DDX59: variants seen among roughly 807,000 people sequenced by gnomAD.
DDX59 encodes the protein DEAD-box helicase 59.
A neutral mutation model predicts 51.9 loss-of-function variants in DDX59; 30 were observed. That is an observed-to-expected ratio of 0.58 (90% CI 0.43 to 0.78). DDX59 has a LOEUF of 0.78. Among genes scored for constraint, DDX59 ranks in the 30% least tolerant of loss-of-function variants. The pLI, the probability that DDX59 is intolerant of heterozygous loss-of-function variation, is 0.00. For missense variants in DDX59, 672 were observed against 730.8 expected (o/e 0.92, Z 0.93); for synonymous variants, 255 against 253.3 (o/e 1.01, Z -0.06).
intron 4 of DDX59, among the ~76,000 whole-genome samples, chr1:200,652,558 G>A (rs1661733925): frequency 6.6e-6 from 1 of 151,882 alleles, no homozygotes; most frequent in African/African-American, 2.4e-5. Context: ...TAGTAGAGAT[G>A]GGGTTTTGCT....
At chr1:200,656,605 C>G (rs1337188015) in intron 4 of DDX59, among the ~76,000 whole-genome samples, 2 of 152,160 alleles carry the variant, frequency 1.3e-5, no homozygotes, top group African/African-American at 4.8e-5. Flanking sequence ...AACCATATTC[C>G]TTAAATGCCA....
At chr1:200,652,477 C>T (rs1472017231) in intron 4 of DDX59, among the ~76,000 whole-genome samples, 2 of 152,082 alleles carry the variant, frequency 1.3e-5, no homozygotes, top group African/African-American at 4.8e-5. Context: ...TCAAGCCAAC[C>T]TCCCACCTCA....
chr1:200,649,781 G>A (rs2102854193), intron 5 of DDX59, among the ~76,000 whole-genome samples: 1 of 151,804 alleles, frequency 6.6e-6, no homozygotes, highest in East Asian at 1.9e-4. Context: ...AACATTTTAA[G>A]TGCGATTAAT....
chr1:200,648,701 T>G, intron 6 of DDX59, 134 bp from the exon 7 acceptor site: 1 of 1,035,430 alleles, frequency 9.7e-7, no homozygotes. Context: ...GTAAAGGTCA[T>G]AGTATACCTG....
chr1:200,659,536 AC>A (rs1662246853), intron 3 of DDX59, among the ~76,000 whole-genome samples: 1 of 152,192 alleles, frequency 6.6e-6, no homozygotes, highest in Non-Finnish European at 1.5e-5. Context: ...ACCAGGAAGG[AC>A]CTTGTAGGCA....
chr1:200,661,881 G>A (rs1662396648), intron 3 of DDX59, among the ~76,000 whole-genome samples: 1 of 152,168 alleles, frequency 6.6e-6, no homozygotes, highest in African/African-American at 2.4e-5. Context: ...CTGGAGGGAG[G>A]TGATTGGATC....
chr1:200,663,734 T>C lies in DDX59; in HGVS notation c.972+185A>G, dbSNP rs1662522442. On this transcript the variant is annotated intron_variant, in intron 3 of 7. Transcript: ENST00000331314. ...TGGCATATAATGGGCACTCAATAAA[T>C]TGTGCTTCTTTCCCTTCCTATATAA... Among the ~76,000 whole-genome samples, 6 of 151,318 alleles carry C rather than the reference T, an allele frequency of 4.0e-5. No individual in the cohort carries two copies. In the Admixed American group the frequency reaches 4.0e-4, roughly 10 times the overall value.
chr1:200,651,331 C>G (rs1035077932), intron 4 of DDX59, among the ~76,000 whole-genome samples: 1 of 151,978 alleles, frequency 6.6e-6, no homozygotes, highest in Non-Finnish European at 1.5e-5. Flanking sequence ...GAAATCTAAC[C>G]CACAATGTAC....
chr1:200,648,408 C>A (rs1661432781), intron 7 of DDX59, 31 bp downstream of exon 7: 7 of 1,608,112 alleles, frequency 4.4e-6, no homozygotes, highest in African/African-American at 4.0e-5. Context: ...AACTCGTGAA[C>A]AAAATAGTGG....
In DDX59 at chr1:200,649,118, T is replaced by C. The variant is rs79204709; in HGVS notation, c.1423A>G (p.Ile475Val). The C allele has an allele frequency of 9.1e-4, 1,443 of 1,583,544 alleles. 4 individuals carry two copies. The African/African-American group carries it at 0.014, about 15-fold the overall frequency. Residue 475 changes from isoleucine to valine, a missense_variant, in exon 6 of 8, where the codon ATA (isoleucine) becomes GTA (valine). Ile to Val is a conservative substitution (Grantham distance 29). Coordinates refer to ENST00000331314, the MANE Select transcript of DDX59 (RefSeq NM_001031725.6). Reference protein sequence around the residue: ...QKITGLKSISIHSEKSQIERK... With the variant: ...QKITGLKSISVHSEKSQIERK... Reference sequence around the variant, plus strand: ...TCTATTTGCGACTTCTCTGAATGTATAGATATGCTTTTCAGCCCTGTGATT... The same window carrying C: ...TCTATTTGCGACTTCTCTGAATGTACAGATATGCTTTTCAGCCCTGTGATT...
intron 4 of DDX59, among the ~76,000 whole-genome samples, chr1:200,653,823 A>T: frequency 6.6e-6 from 1 of 152,162 alleles, no homozygotes; most frequent in East Asian, 1.9e-4. Context: ...CTTCTCATTC[A>T]TATCTTAGCA....
Position 200,664,004 on chromosome 1 carries a change from C to T in DDX59, c.887G>A (p.Ser296Asn), listed in dbSNP as rs1662549818. 1 of 1,614,104 alleles carries T rather than the reference C, an allele frequency of 6.2e-7. No individual in the cohort carries two copies. Among genetic ancestry groups the T allele is most frequent in the Non-Finnish European group, 8.5e-7 (1 of 1,180,044 alleles). Reference protein sequence around the residue: ...QIERQAKELMSGLPRMKTVLL... With the variant: ...QIERQAKELMNGLPRMKTVLL... The stretch of plus-strand genomic sequence containing the variant: ...CACAGTTTTCATGCGTGGCAGGCCA[C>T]TCATCAATTCTTTAGCTTGTCTCTC... The change falls in exon 3 of 8, where the codon AGT becomes AAT. Residue 296 changes from serine (S) to asparagine (N), a missense_variant. Coordinates refer to ENST00000331314, the MANE Select transcript of DDX59 (RefSeq NM_001031725.6).
chr1:200,652,986 TCTC>T (rs1339236679), intron 4 of DDX59, among the ~76,000 whole-genome samples: 1 of 152,068 alleles, frequency 6.6e-6, no homozygotes, highest in African/African-American at 2.4e-5. Flanking sequence ...CACCCAGACA[TCTC>T]CTCTCCTGAT....
At position 200,663,954 on chromosome 1, in the gene DDX59, G is replaced by A. The variant is rs755435026; in HGVS notation, c.937C>T (p.Pro313Ser). 3.3e-5 allele frequency: 54 copies of A among 1,613,652 alleles called. No homozygotes were observed. The highest frequency in any genetic ancestry group is 4.0e-5 in the Non-Finnish European group (47 of 1,179,894). ...TGTTGCAGACGATAAAGCTGTGGGGGTAAGGGTAAGCCCCCTACAAGAAGC... is the reference window on the plus strand; with the variant it reads ...TGTTGCAGACGATAAAGCTGTGGGGATAAGGGTAAGCCCCCTACAAGAAGC... The part of the protein sequence containing the change: ...TVLLVGGLPL[P>S]PQLYRLQQHV... The change falls in exon 3 of 8, where the codon CCC becomes TCC. Residue 313 changes from proline to serine, a missense_variant. Transcript: ENST00000331314.
intron 1 of DDX59, among the ~76,000 whole-genome samples, chr1:200,669,274 C>T (rs1662991529): frequency 1.3e-5 from 2 of 150,978 alleles, no homozygotes. Context: ...TGCCAGATTC[C>T]AACTTCCAGA....
rs1308249133 is a variant in DDX59, at chr1:200,666,595, G to C, written c.146C>G (p.Ala49Gly). The C allele has an allele frequency of 1.6e-5, 26 of 1,614,198 alleles. No homozygotes were observed. Among genetic ancestry groups the C allele is most frequent in the Non-Finnish European group, 2.2e-5 (26 of 1,180,036 alleles). Reference protein sequence around the residue: ...DVPVDAVATEAATIDRHISES... With the variant: ...DVPVDAVATEGATIDRHISES... ...GCTGATGTGCCTGTCTATTGTGGCT[G>C]CTTCTGTAGCTACAGCATCAACGGG... The change falls in exon 2 of 8, where the codon GCA becomes GGA. Residue 49 changes from alanine (A) to glycine (G), a missense_variant. Transcript: ENST00000331314.
chr1:200,669,701 G>C (rs1000098125), intron 1 of DDX59, 66 bp downstream of exon 1: 2 of 152,490 alleles, frequency 1.3e-5, no homozygotes, highest in African/African-American at 4.8e-5. Context: ...CCGCGGCCTA[G>C]CGCCCCAGGT....
At chr1:200,645,563 A>G (rs1380809531) in intron 7 of DDX59, among the ~76,000 whole-genome samples, 2 of 152,130 alleles carry the variant, frequency 1.3e-5, no homozygotes, top group African/African-American at 4.8e-5. Flanking sequence ...AGGCCCGGCT[A>G]GTTATTTCTC....
Position 200,666,522 on chromosome 1 carries a change from A to G in DDX59, c.219T>C (p.His73=). The change falls in exon 2 of 8, where the codon CAT becomes CAC. Residue 73 remains histidine (H), a synonymous_variant. Coordinates refer to ENST00000331314, the MANE Select transcript of DDX59 (RefSeq NM_001031725.6). ...TCGCACCCTGCTCGGGACTTACTGA[A>G]TGAACCTCTGCCAACTGGCCACCTG... ...PSPGGQLAEV[H]SVSPEQGAKD... The G allele has an allele frequency of 6.2e-7, 1 of 1,614,188 alleles. No individual in the cohort carries two copies. The highest frequency in any genetic ancestry group is 8.5e-7 in the Non-Finnish European group (1 of 1,180,030).
Sources: gnomAD v4.1 joint callset for allele counts (sites outside exome capture counted in the v4.1 genomes callset) on GRCh38, gnomAD v4.1.1 for gene constraint, MANE v1.5 for transcripts, NCBI Gene and HGNC (gene_info 2026-07-23, HGNC 2026-07-21) for gene names.